LYZL1: variants seen among roughly 807,000 people sequenced by gnomAD.
LYZL1 encodes lysozyme-like protein 1.
LYZL1 carries 16 observed loss-of-function variants against 17.9 expected under a neutral mutation model. That is an observed-to-expected ratio of 0.90 (90% CI 0.61 to 1.36). LYZL1 has a LOEUF of 1.36. Among genes scored for constraint, LYZL1 ranks in the 40% most tolerant of loss-of-function variants. The pLI is 0.00. For synonymous variants in LYZL1, 58 were observed against 71.8 expected, an observed-to-expected ratio of 0.81 and a Z score of 0.97; for missense variants, 149 against 188.4, an observed-to-expected ratio of 0.79 and a Z score of 1.22.
intron 3 of LYZL1, among the ~76,000 whole-genome samples, chr10:29,304,776 G>C (rs1653009116): frequency 6.6e-6 from 1 of 152,212 alleles, no homozygotes; most frequent in South Asian, 2.1e-4. Context: ...TCAGGGCTGG[G>C]AGGCAGGAGG....
intron 3 of LYZL1, among the ~76,000 whole-genome samples, chr10:29,298,403 T>C (rs1426750825): frequency 6.6e-6 from 1 of 152,134 alleles, no homozygotes; most frequent in East Asian, 1.9e-4. Context: ...CCCTCCTCTG[T>C]CCCTTCCCTG....
intron 4 of LYZL1, 69 bp from the exon 5 acceptor site, chr10:29,310,921 G>A (rs1835662249): frequency 1.3e-5 from 21 of 1,612,598 alleles, no homozygotes; most frequent in South Asian, 5.5e-5. Context: ...ATTTCTGTAG[G>A]CTTTGAAACT....
intron 3 of LYZL1, among the ~76,000 whole-genome samples, chr10:29,302,866 C>G (rs1344008855): frequency 6.6e-6 from 1 of 152,122 alleles, no homozygotes; most frequent in African/African-American, 2.4e-5. Flanking sequence ...TGTTGAATTT[C>G]TTTTCCAACC....
At chr10:29,297,360 G>A (rs1835459956) in intron 3 of LYZL1, among the ~76,000 whole-genome samples, 1 of 152,156 alleles carries the variant, frequency 6.6e-6, no homozygotes, top group Non-Finnish European at 1.5e-5. Flanking sequence ...CAGAACTAAA[G>A]AGCATGTGAT....
At position 29,289,380 on chromosome 10, in the gene LYZL1, A is replaced by G. The variant is rs573358752; in HGVS notation, c.-26+150A>G. The G allele has an allele frequency of 2.4e-5, 12 of 489,866 alleles. No homozygotes were observed. In the South Asian group the frequency reaches 6.4e-4, roughly 26 times the overall value. 30.3% of individuals were successfully genotyped at this position (489,866 alleles called of 1,614,324 possible). A position where few individuals can be genotyped will look rare whatever the true frequency, so the allele number is the denominator to read the frequency against. On this transcript the variant is annotated intron_variant, in intron 1 of 4. Coordinates refer to ENST00000649382, the MANE Select transcript of LYZL1 (RefSeq NM_032517.6). ...AAGGCAGGGGATGGAAACCAACTCT[A>G]TTTGTAAGCTCTGTATCTTTTTTTC...
At chr10:29,303,899 G>A (rs959239810) in intron 3 of LYZL1, among the ~76,000 whole-genome samples, 2 of 152,204 alleles carry the variant, frequency 1.3e-5, no homozygotes, top group Non-Finnish European at 2.9e-5. Context: ...TGCATGTACA[G>A]CATGGATACA....
rs571836577 is a variant in LYZL1, at chr10:29,290,228, G to A, written c.-26+998G>A. Among the ~76,000 whole-genome samples the A allele has an allele frequency of 5.3e-5, 8 of 152,298 alleles. No individual in the cohort carries two copies. In the South Asian group the frequency reaches 6.2e-4, roughly 12 times the overall value. On this transcript the variant is annotated intron_variant, in intron 1 of 4. Coordinates refer to ENST00000649382, the MANE Select transcript of LYZL1 (RefSeq NM_032517.6). ...GTAAGAACATCAAGTTCAGGATCCC[G>A]AGTAGTTGTCAGAAATTTCACTTCA...
At chr10:29,311,787 G>A (rs1467408426), downstream of LYZL1, among the ~76,000 whole-genome samples, 1 of 151,966 alleles carries the variant, frequency 6.6e-6, no homozygotes, top group African/African-American at 2.4e-5. Flanking sequence ...TGACCAGCCT[G>A]ACCAACATGG....
chr10:29,311,566 G>A (rs1835673080), downstream of LYZL1, among the ~76,000 whole-genome samples: 1 of 152,190 alleles, frequency 6.6e-6, no homozygotes, highest in African/African-American at 2.4e-5. Context: ...GAGACGCAGA[G>A]AGATAGGGCA....
intron 3 of LYZL1, among the ~76,000 whole-genome samples, chr10:29,301,086 G>T (rs1835512160): frequency 1.3e-5 from 2 of 152,248 alleles, no homozygotes; most frequent in African/African-American, 4.8e-5. Context: ...CCCATGTGTT[G>T]TAGGAGGAAC....
chr10:29,293,127 C>CTTTTTT (rs778807136), intron 3 of LYZL1, among the ~76,000 whole-genome samples: 2,773 of 103,884 alleles, frequency 0.027, 60 homozygotes, highest in Non-Finnish European at 0.038. Context: ...CTTTTCTTTT[C>CTTTTTT]TTTTTTCTTT....
chr10:29,308,048 T>C (rs1453011103), intron 3 of LYZL1, among the ~76,000 whole-genome samples: 1 of 151,998 alleles, frequency 6.6e-6, no homozygotes, highest in African/African-American at 2.4e-5. Context: ...AACAAAACCT[T>C]TGAGTAATTG....
At chr10:29,300,241 T>TAA (rs397845123) in intron 3 of LYZL1, among the ~76,000 whole-genome samples, 1 of 150,914 alleles carries the variant, frequency 6.6e-6, no homozygotes. Context: ...TCTTTGGAAT[T>TAA]AAAAAAAAAA....
At chr10:29,316,380 C>T (rs1381003568) in intron 3 of LYZL1, among the ~76,000 whole-genome samples, 1 of 152,126 alleles carries the variant, frequency 6.6e-6, no homozygotes, top group African/African-American at 2.4e-5. Flanking sequence ...AGAGGAAGCC[C>T]AAGGTCAGAA....
chr10:29,314,013 G>A (rs1021351247), downstream of LYZL1, among the ~76,000 whole-genome samples: 2 of 152,124 alleles, frequency 1.3e-5, no homozygotes, highest in African/African-American at 4.8e-5. Context: ...GTTGTTCCTC[G>A]ATGCTTTCTG....
chr10:29,304,162 A>G (rs1183624950), intron 3 of LYZL1, among the ~76,000 whole-genome samples: 1 of 152,210 alleles, frequency 6.6e-6, no homozygotes, highest in African/African-American at 2.4e-5. Flanking sequence ...CAGAAAATTG[A>G]TGCTATATTC....
chr10:29,311,823 C>A (rs550015417), downstream of LYZL1, among the ~76,000 whole-genome samples: 2 of 151,934 alleles, frequency 1.3e-5, no homozygotes, highest in Non-Finnish European at 2.9e-5. Flanking sequence ...ACTAAAAATA[C>A]AAAAATTAGC....
intron 3 of LYZL1, among the ~76,000 whole-genome samples, chr10:29,305,494 A>G (rs760003458): frequency 6.6e-6 from 1 of 152,208 alleles, no homozygotes; most frequent in Non-Finnish European, 1.5e-5. Context: ...ATGGTTGTTC[A>G]GAGAACTGAT....
At chr10:29,307,374 T>G (rs1459036995) in intron 3 of LYZL1, among the ~76,000 whole-genome samples, 1 of 152,262 alleles carries the variant, frequency 6.6e-6, no homozygotes, top group Admixed American at 6.5e-5. Flanking sequence ...TTTGTCTTTC[T>G]GGGTCTTCCT....
Sources: gnomAD v4.1 joint callset for allele counts (sites outside exome capture counted in the v4.1 genomes callset) on GRCh38, gnomAD v4.1.1 for gene constraint, MANE v1.5 for transcripts, NCBI Gene and HGNC (gene_info 2026-07-23, HGNC 2026-07-21) for gene names.